Variants in GALNT13 observed in about 807,000 individuals in gnomAD.
GALNT13 encodes UDP-GalNAc:polypeptide N-acetylgalactosaminyltransferase 13.
In GALNT13, 28 loss-of-function variants were observed where a neutral mutation model predicts 64.2. That is an observed-to-expected ratio of 0.44 (90% CI 0.32 to 0.60). GALNT13 has a LOEUF of 0.60. Among genes scored for constraint, GALNT13 ranks in the 20% least tolerant of loss-of-function variants. GALNT13 has a pLI of 0.05. For missense variants in GALNT13, 577 were observed against 669.8 expected (o/e 0.86, Z 1.53); for synonymous variants, 214 against 224.6 (o/e 0.95, Z 0.42).
the GALNT13 span, among the ~76,000 whole-genome samples, chr2:153,321,046 T>C: frequency 6.6e-6 from 1 of 152,162 alleles, no homozygotes; most frequent in African/African-American, 2.4e-5. Context: ...ATGGTTACTG[T>C]TTTGAGTGAG....
At chr2:153,181,036 T>C in the GALNT13 span, among the ~76,000 whole-genome samples, 55 of 138,908 alleles carry the variant, frequency 4.0e-4, no homozygotes, top group Non-Finnish European at 7.3e-4. Flanking sequence ...GTTTCTTTTT[T>C]TTTTTTTTTT....
chr2:153,112,008 C>T, the GALNT13 span, among the ~76,000 whole-genome samples: 6 of 151,958 alleles, frequency 3.9e-5, no homozygotes, highest in African/African-American at 4.8e-5. Context: ...TGAATTTACC[C>T]CCTCTCCAAA....
At chr2:153,231,099 G>A in the GALNT13 span, among the ~76,000 whole-genome samples, 1 of 152,056 alleles carries the variant, frequency 6.6e-6, no homozygotes, top group East Asian at 1.9e-4. Context: ...CTCCTTCATC[G>A]GTTTTAACTA....
intron 9 of GALNT13, among the ~76,000 whole-genome samples, chr2:154,334,354 A>G (rs897698132): frequency 1.3e-5 from 2 of 151,666 alleles, no homozygotes; most frequent in African/African-American, 4.8e-5. Flanking sequence ...AAATTCACAT[A>G]GCATTCACCA....
At chr2:154,196,989 T>G (rs1478584359) in intron 4 of GALNT13, among the ~76,000 whole-genome samples, 1 of 152,252 alleles carries the variant, frequency 6.6e-6, no homozygotes, top group Admixed American at 6.5e-5. Flanking sequence ...TCTCATTCCC[T>G]AAGTGCCATA....
chr2:153,730,251 T>C, the GALNT13 span, among the ~76,000 whole-genome samples: 2 of 151,828 alleles, frequency 1.3e-5, no homozygotes, highest in Admixed American at 6.6e-5. Flanking sequence ...GATACATAGA[T>C]CAATTGCAGA....
chr2:153,538,480 C>T, the GALNT13 span, among the ~76,000 whole-genome samples: 12 of 119,882 alleles, frequency 1.0e-4, no homozygotes, highest in Middle Eastern at 4.1e-3. Context: ...CATGCTGGTG[C>T]GCTGCACCCA....
chr2:153,650,896 G>A, the GALNT13 span, among the ~76,000 whole-genome samples: 140,157 of 152,192 alleles, frequency 0.92, 64,614 homozygotes, highest in Middle Eastern at 0.96. Flanking sequence ...ATGTACCTTC[G>A]TATCTTTTAT....
the GALNT13 span, among the ~76,000 whole-genome samples, chr2:153,499,678 G>A: frequency 2.0e-5 from 3 of 152,252 alleles, no homozygotes; most frequent in Non-Finnish European, 4.4e-5. Flanking sequence ...GGGCTGAGGG[G>A]GCAGGGGGCT....
At chr2:153,668,472 G>T in the GALNT13 span, among the ~76,000 whole-genome samples, 1 of 152,100 alleles carries the variant, frequency 6.6e-6, no homozygotes, top group Admixed American at 6.6e-5. Flanking sequence ...TGAGAGGCAA[G>T]ATGGCCAACT....
At chr2:153,252,612 C>G in the GALNT13 span, among the ~76,000 whole-genome samples, 9 of 152,242 alleles carry the variant, frequency 5.9e-5, no homozygotes, top group South Asian at 1.9e-3. Context: ...TAGGTCTAAC[C>G]TGTAAGTCTT....
chr2:154,088,893 A>T (rs1490729798), intron 3 of GALNT13, among the ~76,000 whole-genome samples: 5 of 152,182 alleles, frequency 3.3e-5, no homozygotes, highest in Non-Finnish European at 5.9e-5. Flanking sequence ...GCATAAATTT[A>T]TCCAGAGTCT....
intron 3 of GALNT13, among the ~76,000 whole-genome samples, chr2:153,997,977 C>T (rs1056741584): frequency 6.6e-6 from 1 of 152,098 alleles, no homozygotes; most frequent in Non-Finnish European, 1.5e-5. Context: ...ATGAACTCAT[C>T]CTTTTTTATG....
At chr2:154,339,703 G>GT (rs1383884857) in intron 9 of GALNT13, among the ~76,000 whole-genome samples, 4 of 152,138 alleles carry the variant, frequency 2.6e-5, no homozygotes, top group Non-Finnish European at 4.4e-5. Context: ...AAATGATTAG[G>GT]TTTTTTTCAA....
the GALNT13 span, among the ~76,000 whole-genome samples, chr2:153,709,223 A>G: frequency 6.6e-6 from 1 of 152,084 alleles, no homozygotes; most frequent in African/African-American, 2.4e-5. Flanking sequence ...TTTTCTAACC[A>G]CTTACAACTG....
chr2:153,141,476 C>T, the GALNT13 span, among the ~76,000 whole-genome samples: 1 of 152,032 alleles, frequency 6.6e-6, no homozygotes, highest in Admixed American at 6.6e-5. Flanking sequence ...GACTTCTCAG[C>T]TGTTTTTGTC....
the GALNT13 span, among the ~76,000 whole-genome samples, chr2:153,759,733 T>C: frequency 6.6e-6 from 1 of 152,140 alleles, no homozygotes; most frequent in Non-Finnish European, 1.5e-5. Context: ...TTGTTCGGGA[T>C]TTTTGCATTT....
intron 3 of GALNT13, among the ~76,000 whole-genome samples, chr2:154,043,314 A>T (rs960929242): frequency 2.0e-5 from 3 of 151,292 alleles, no homozygotes; most frequent in Admixed American, 2.0e-4. Flanking sequence ...AGTAAAAAAA[A>T]GTTAGGGATG....
chr2:153,774,078 C>T, the GALNT13 span, among the ~76,000 whole-genome samples: 6 of 152,032 alleles, frequency 3.9e-5, no homozygotes, highest in Admixed American at 2.0e-4. Context: ...TTTTAACAAA[C>T]AATTTTTCTG....
Sources: allele counts gnomAD v4.1 joint callset (sites outside exome capture counted in the v4.1 genomes callset), GRCh38; gene constraint gnomAD v4.1.1; transcripts MANE v1.5; gene names NCBI Gene and HGNC (gene_info 2026-07-23, HGNC 2026-07-21).